Variants in RANBP17 observed in about 807,000 individuals in gnomAD.
RANBP17 encodes ran-binding protein 17.
In RANBP17, 158 loss-of-function variants were observed where a neutral mutation model predicts 141.2. The ratio of observed to expected loss-of-function variants is 1.12; its 90% CI spans 0.98 to 1.28. RANBP17 has a LOEUF of 1.28. RANBP17 is among the 50% of genes most tolerant of loss of function. The probability of loss-of-function intolerance (pLI) is 0.00; values close to 1 mark genes in which losing one functional copy is unlikely to be tolerated. For missense variants in RANBP17, 1,438 were observed against 1,290.7 expected, an observed-to-expected ratio of 1.11 and a Z score of -1.75; for synonymous variants, 430 against 450.0, an observed-to-expected ratio of 0.96 and a Z score of 0.56.
intron 24 of RANBP17, among the ~76,000 whole-genome samples, chr5:171,258,117 AT>A (rs1255269812): frequency 1.0e-3 from 92 of 90,334 alleles, no homozygotes; most frequent in Non-Finnish European, 1.7e-3. Flanking sequence ...AAAAAAAAAA[AT>A]ACACACACAC....
intron 12 of RANBP17, among the ~76,000 whole-genome samples, chr5:170,930,335 A>C (rs1274191112): frequency 6.6e-6 from 1 of 151,362 alleles, no homozygotes; most frequent in Admixed American, 6.6e-5. Flanking sequence ...TTTAAACATT[A>C]CTTTAGTTGC....
chr5:171,295,836 T>C (rs1216181652), intron 26 of RANBP17, 51 bp from the exon 27 acceptor site: 2 of 1,595,518 alleles, frequency 1.3e-6, no homozygotes, highest in African/African-American at 1.3e-5. Context: ...GCCAGCTGTC[T>C]TCAGGCGGGA....
chr5:170,928,214 T>A (rs1773082420), intron 12 of RANBP17, among the ~76,000 whole-genome samples: 1 of 152,092 alleles, frequency 6.6e-6, no homozygotes, highest in African/African-American at 2.4e-5. Flanking sequence ...TTTGTATGTG[T>A]TAGGGAATTG....
At chr5:171,020,130 G>A (rs943843650) in intron 14 of RANBP17, among the ~76,000 whole-genome samples, 19 of 152,200 alleles carry the variant, frequency 1.2e-4, no homozygotes, top group African/African-American at 4.3e-4. Flanking sequence ...ACTGTGGCCT[G>A]AGAGACTGTT....
At chr5:170,875,859 A>G (rs1401789191) in intron 1 of RANBP17, among the ~76,000 whole-genome samples, 3 of 152,016 alleles carry the variant, frequency 2.0e-5, no homozygotes. Context: ...TCTTTCATTG[A>G]TTCTTTCTCA....
chr5:171,033,248 A>G (rs1166803005), intron 14 of RANBP17, among the ~76,000 whole-genome samples: 2 of 152,140 alleles, frequency 1.3e-5, no homozygotes, highest in African/African-American at 2.4e-5. Context: ...TTTTGTTTAC[A>G]GTGTGGATAG....
chr5:170,913,355 C>T (rs766729192), intron 7 of RANBP17, among the ~76,000 whole-genome samples: 4 of 151,762 alleles, frequency 2.6e-5, no homozygotes, highest in Non-Finnish European at 5.9e-5. Context: ...TGGGTGAATG[C>T]AAATGATGGG....
intron 14 of RANBP17, among the ~76,000 whole-genome samples, chr5:171,164,282 A>G (rs181878820): frequency 4.9e-4 from 74 of 152,332 alleles, no homozygotes; most frequent in Non-Finnish European, 6.9e-4. Flanking sequence ...AGAATGTTAG[A>G]GACAGTGCTC....
intron 1 of RANBP17, among the ~76,000 whole-genome samples, chr5:170,875,589 A>T (rs1320001385): frequency 6.6e-6 from 1 of 152,016 alleles, no homozygotes; most frequent in African/African-American, 2.4e-5. Flanking sequence ...CTTCTGCTGG[A>T]TTGATTTGGC....
intron 14 of RANBP17, among the ~76,000 whole-genome samples, chr5:171,076,593 T>C (rs973917947): frequency 6.6e-6 from 1 of 152,200 alleles, no homozygotes; most frequent in African/African-American, 2.4e-5. Context: ...TACCTTGTTA[T>C]ACCAAATAGC....
At chr5:171,297,360 A>G (rs1257796338) in intron 27 of RANBP17, among the ~76,000 whole-genome samples, 3 of 152,208 alleles carry the variant, frequency 2.0e-5, no homozygotes, top group South Asian at 2.1e-4. Context: ...ACAGTAATGA[A>G]TGATGGAGAA....
rs374878437 is a variant in RANBP17, at chr5:171,253,132, C to T, written c.2776+10312C>T. ...CACTTTGCACACGATAAAGCAAAGACGATGGATTGACAAGCCCTTCCGATC... is the reference window on the plus strand; with the variant it reads ...CACTTTGCACACGATAAAGCAAAGATGATGGATTGACAAGCCCTTCCGATC... On this transcript the variant is annotated intron_variant, in intron 24 of 27. Coordinates refer to ENST00000523189, the MANE Select transcript of RANBP17 (RefSeq NM_022897.5). 1,928 of 595,368 alleles carry T rather than the reference C, an allele frequency of 3.2e-3. 56 individuals are homozygous for T. In the South Asian group the frequency reaches 0.036, roughly 11 times the overall value. 36.9% of individuals were successfully genotyped at this position (595,368 alleles called of 1,614,324 possible). A position where few individuals can be genotyped will look rare whatever the true frequency, so the allele number is the denominator to read the frequency against.
At chr5:171,156,680 T>G (rs567234123) in intron 14 of RANBP17, among the ~76,000 whole-genome samples, 3 of 152,194 alleles carry the variant, frequency 2.0e-5, no homozygotes, top group Non-Finnish European at 2.9e-5. Context: ...TGTAATTTAT[T>G]AGCTATCGGT....
chr5:171,151,758 C>T (rs1434181587), intron 14 of RANBP17, among the ~76,000 whole-genome samples: 9 of 152,046 alleles, frequency 5.9e-5, no homozygotes, highest in Non-Finnish European at 1.2e-4. Flanking sequence ...TAGCCTTTCT[C>T]GAACCAAGGA....
chr5:170,940,427 A>G (rs1213636178), intron 12 of RANBP17, among the ~76,000 whole-genome samples: 1 of 152,176 alleles, frequency 6.6e-6, no homozygotes, highest in African/African-American at 2.4e-5. Flanking sequence ...AAGCATTAAG[A>G]ATTTCGGATT....
At chr5:171,251,921 A>G in intron 24 of RANBP17, 3 of 1,590,358 alleles carry the variant, frequency 1.9e-6, no homozygotes, top group Non-Finnish European at 2.6e-6. Context: ...GTGAATGAGC[A>G]CTATTTTGGA....
intron 14 of RANBP17, among the ~76,000 whole-genome samples, chr5:171,007,687 C>G (rs1779746632): frequency 6.6e-6 from 1 of 152,098 alleles, no homozygotes; most frequent in Non-Finnish European, 1.5e-5. Context: ...TTATCTAGGT[C>G]TCGTAGGATG....
chr5:171,159,128 A>T (rs1005741813), intron 14 of RANBP17, among the ~76,000 whole-genome samples: 3 of 152,190 alleles, frequency 2.0e-5, no homozygotes, highest in African/African-American at 7.2e-5. Flanking sequence ...GAAATATGAA[A>T]CAATTTCAGA....
At chr5:170,947,429 A>G (rs938133003) in intron 12 of RANBP17, among the ~76,000 whole-genome samples, 11 of 152,228 alleles carry the variant, frequency 7.2e-5, no homozygotes, top group African/African-American at 2.7e-4. Context: ...AAAGATAAGT[A>G]TGTAAAATAT....
Sources: gnomAD v4.1 joint callset for allele counts (sites outside exome capture counted in the v4.1 genomes callset) on GRCh38, gnomAD v4.1.1 for gene constraint, MANE v1.5 for transcripts, NCBI Gene and HGNC (gene_info 2026-07-23, HGNC 2026-07-21) for gene names.